Variants in SAMD3 observed in about 807,000 individuals in gnomAD.
SAMD3 encodes sterile alpha motif domain containing 3.
In SAMD3, 63 loss-of-function variants were observed where a neutral mutation model predicts 58.5. That is an observed-to-expected ratio of 1.08 (90% CI 0.88 to 1.33). The LOEUF (loss-of-function observed/expected upper bound fraction) is 1.33. Among genes scored for constraint, SAMD3 ranks in the 40% most tolerant of loss-of-function variants. SAMD3 has a pLI of 0.00. For missense variants in SAMD3, 604 were observed against 608.4 expected, an observed-to-expected ratio of 0.99 and a Z score of 0.08; for synonymous variants, 220 against 210.3, an observed-to-expected ratio of 1.05 and a Z score of -0.40.
At chr6:130,261,519 T>C (rs915966691) in intron 2 of SAMD3, among the ~76,000 whole-genome samples, 3 of 152,186 alleles carry the variant, frequency 2.0e-5, no homozygotes, top group African/African-American at 7.2e-5. Flanking sequence ...GATTTTGGTT[T>C]TGATTTTGAT....
At chr6:130,322,185 A>C (rs1776607678) in intron 1 of SAMD3, among the ~76,000 whole-genome samples, 1 of 152,152 alleles carries the variant, frequency 6.6e-6, no homozygotes, top group Non-Finnish European at 1.5e-5. Flanking sequence ...AATGGAGGCT[A>C]GTCCAGAATT....
intron 1 of SAMD3, 63 bp downstream of exon 1, chr6:130,222,631 A>G (rs1051005211): frequency 6.6e-6 from 1 of 152,210 alleles, no homozygotes; most frequent in Admixed American, 6.5e-5. Flanking sequence ...TCAATGAAAG[A>G]ATTTTATCTT....
rs149182973 is a variant in SAMD3 at position 130,331,969 on chromosome 6, G to T, written c.-303-18876C>A. 4.6e-5 allele frequency among the ~76,000 whole-genome samples: 7 copies of T among 152,226 alleles called. No homozygotes were observed. In the East Asian group the frequency reaches 1.4e-3, roughly 29 times the overall value. On this transcript the variant is annotated intron_variant, in intron 1 of 13. Coordinates refer to the SAMD3 transcript ENST00000368134. ...GCCAGGCAGGCATGCTCTGATTTCTGCTTAAAAGTATCTCTGACTGTCATT... is the reference window on the plus strand; with the variant it reads ...GCCAGGCAGGCATGCTCTGATTTCTTCTTAAAAGTATCTCTGACTGTCATT...
At chr6:130,244,088 A>C (rs891098719) in intron 2 of SAMD3, among the ~76,000 whole-genome samples, 4 of 152,246 alleles carry the variant, frequency 2.6e-5, no homozygotes, top group African/African-American at 9.6e-5. Context: ...TGTGTAAGTA[A>C]GACTATTAAA....
intron 9 of SAMD3, among the ~76,000 whole-genome samples, chr6:130,153,666 T>TATATATATATATATATATAGATATATATA (rs58896049): frequency 2.2e-5 from 2 of 91,148 alleles, no homozygotes; most frequent in Non-Finnish European, 4.6e-5. Context: ...ATATATATAT[T>TATATATATATATATATATAGATATATATA]TATTTATTTA....
At chr6:130,339,053 TTTTG>T (rs1318925280) in intron 1 of SAMD3, among the ~76,000 whole-genome samples, 1 of 152,066 alleles carries the variant, frequency 6.6e-6, no homozygotes, top group African/African-American at 2.4e-5. Flanking sequence ...TTTCGTTTTG[TTTTG>T]TTTTTTTGAG....
intron 2 of SAMD3, among the ~76,000 whole-genome samples, chr6:130,300,681 T>C (rs1236157636): frequency 6.6e-6 from 1 of 152,082 alleles, no homozygotes; most frequent in Admixed American, 6.6e-5. Context: ...AAAGAGAAAG[T>C]CAAATTATCT....
At chr6:130,291,144 G>A (rs1490872794) in intron 2 of SAMD3, among the ~76,000 whole-genome samples, 2 of 152,196 alleles carry the variant, frequency 1.3e-5, no homozygotes, top group Non-Finnish European at 2.9e-5. Context: ...AGGCTGGAGT[G>A]CAGTGGTGCA....
At position 130,339,414 on chromosome 6, in the gene SAMD3, G is replaced by C. The variant is rs557204608; in HGVS notation, c.-304+25706C>G. On this transcript the variant is annotated intron_variant, in intron 1 of 13. Coordinates refer to the SAMD3 transcript ENST00000368134. ...TCAAGGGAGGGACCTGGAAAGAGAT[G>C]ATTGGATCATAGGGGTGGGTTCCTC... is the stretch of plus-strand genomic sequence containing the variant. Among the ~76,000 whole-genome samples the C allele has an allele frequency of 2.6e-5, 4 of 152,300 alleles. No homozygotes were observed. In the South Asian group the frequency reaches 8.3e-4, roughly 32 times the overall value.
intron 2 of SAMD3, among the ~76,000 whole-genome samples, chr6:130,231,080 TATG>T (rs1796531828): frequency 6.6e-6 from 1 of 152,178 alleles, no homozygotes; most frequent in South Asian, 2.1e-4. Context: ...TGATTTTAGT[TATG>T]ATAATAGAAA....
chr6:130,185,643 T>G (rs1792888870), intron 5 of SAMD3, among the ~76,000 whole-genome samples: 4 of 150,954 alleles, frequency 2.6e-5, no homozygotes, highest in Non-Finnish European at 1.5e-5. Flanking sequence ...TTTTTTTTTT[T>G]TTTTTTAGAC....
chr6:130,234,013 T>G lies in SAMD3; in HGVS notation c.-187-11200A>C, dbSNP rs185627464. Among the ~76,000 whole-genome samples, 56 of 152,358 alleles carry G rather than the reference T, an allele frequency of 3.7e-4. No individual in the cohort carries two copies. In the East Asian group the frequency reaches 8.5e-3, roughly 23 times the overall value. On this transcript the variant is annotated intron_variant, in intron 2 of 13. Coordinates refer to the SAMD3 transcript ENST00000368134. ...TTAAAATTAAATGCATTTGTCATTTTTGCAGAAATTTTGGTAGAAATTGCC... is the reference window on the plus strand; with the variant it reads ...TTAAAATTAAATGCATTTGTCATTTGTGCAGAAATTTTGGTAGAAATTGCC...
intron 1 of SAMD3, among the ~76,000 whole-genome samples, chr6:130,317,933 G>A (rs10457551): frequency 0.43 from 64,636 of 152,040 alleles, 15,367 homozygotes; most frequent in African/African-American, 0.64. Context: ...TGATTGACCG[G>A]GAAGGCCAAG....
At chr6:130,146,441 C>T (rs1562362659) in intron 9 of SAMD3, among the ~76,000 whole-genome samples, 1 of 152,098 alleles carries the variant, frequency 6.6e-6, no homozygotes. Context: ...GATGCAGACT[C>T]AACTAAATGA....
At chr6:130,321,905 A>G (rs1333546342) in intron 1 of SAMD3, among the ~76,000 whole-genome samples, 9 of 152,310 alleles carry the variant, frequency 5.9e-5, no homozygotes, top group African/African-American at 1.9e-4. Context: ...CCATCACAGA[A>G]AACCAGAAGA....
At chr6:130,319,185 G>C (rs1776498550) in intron 1 of SAMD3, among the ~76,000 whole-genome samples, 1 of 152,070 alleles carries the variant, frequency 6.6e-6, no homozygotes, top group Admixed American at 6.6e-5. Flanking sequence ...GGAGAATTTG[G>C]AACCCCCACA....
intron 9 of SAMD3, among the ~76,000 whole-genome samples, chr6:130,152,814 G>T (rs1040039931): frequency 6.6e-6 from 1 of 152,208 alleles, no homozygotes; most frequent in African/African-American, 2.4e-5. Context: ...ATACACCTAT[G>T]CCACAGCAGG....
intron 2 of SAMD3, among the ~76,000 whole-genome samples, chr6:130,230,067 T>C (rs539965463): frequency 2.1e-4 from 32 of 152,364 alleles, no homozygotes; most frequent in African/African-American, 6.3e-4. Flanking sequence ...TGTAATACAA[T>C]TTGTGGTGCA....
intron 9 of SAMD3, among the ~76,000 whole-genome samples, chr6:130,147,771 T>A (rs1788767447): frequency 3.3e-5 from 5 of 152,220 alleles, no homozygotes; most frequent in Admixed American, 3.3e-4. Context: ...CATATGAGAT[T>A]TAGATACCAC....
Sources: gnomAD v4.1 joint callset for allele counts (sites outside exome capture counted in the v4.1 genomes callset) on GRCh38, gnomAD v4.1.1 for gene constraint, MANE v1.5 for transcripts, NCBI Gene and HGNC (gene_info 2026-07-23, HGNC 2026-07-21) for gene names.